Variants in POFUT3 observed in about 807,000 individuals in gnomAD.
POFUT3 encodes the protein GDP-fucose protein O-fucosyltransferase 3.
At chr8:33,468,239 CAAAAAAA>C in the POFUT3 span, among the ~76,000 whole-genome samples, 9 of 124,830 alleles carry the variant, frequency 7.2e-5, no homozygotes, top group South Asian at 1.7e-3. Context: ...AACTGTGTCT[CAAAAAAA>C]AAAAAAAAAA....
the POFUT3 span, among the ~76,000 whole-genome samples, chr8:33,464,846 C>T: frequency 1.3e-5 from 2 of 152,180 alleles, no homozygotes; most frequent in Admixed American, 6.5e-5. Flanking sequence ...CCAACACTCA[C>T]AGGTTACCTG....
the POFUT3 span, among the ~76,000 whole-genome samples, chr8:33,318,261 T>A: frequency 7.9e-5 from 12 of 151,588 alleles, no homozygotes; most frequent in African/African-American, 9.7e-5. Context: ...ATATACTGTT[T>A]CACTTAACCT....
At chr8:33,341,895 C>T in the POFUT3 span, among the ~76,000 whole-genome samples, 1 of 151,882 alleles carries the variant, frequency 6.6e-6, no homozygotes, top group South Asian at 2.1e-4. Flanking sequence ...TCCATCTCTA[C>T]AAAAAAATCA....
chr8:33,358,215 T>A, the POFUT3 span, among the ~76,000 whole-genome samples: 1 of 152,178 alleles, frequency 6.6e-6, no homozygotes, highest in Admixed American at 6.5e-5. Flanking sequence ...ATGGTGCCAT[T>A]GCACTCCAGC....
At chr8:33,401,853 C>T in the POFUT3 span, among the ~76,000 whole-genome samples, 9 of 152,108 alleles carry the variant, frequency 5.9e-5, no homozygotes, top group Admixed American at 2.0e-4. Context: ...CATGGCGAAA[C>T]GCTGTCTCTA....
At chr8:33,384,789 C>T in the POFUT3 span, among the ~76,000 whole-genome samples, 1 of 152,232 alleles carries the variant, frequency 6.6e-6, no homozygotes, top group East Asian at 1.9e-4. Flanking sequence ...CCACCACACT[C>T]CAGCCTGGGT....
At chr8:33,399,779 C>T in the POFUT3 span, among the ~76,000 whole-genome samples, 3 of 151,976 alleles carry the variant, frequency 2.0e-5, no homozygotes, top group Non-Finnish European at 4.4e-5. Context: ...TCAGCCTCCC[C>T]AGTAACTGGG....
the POFUT3 span, among the ~76,000 whole-genome samples, chr8:33,379,159 A>T: frequency 6.6e-6 from 1 of 152,016 alleles, no homozygotes; most frequent in Non-Finnish European, 1.5e-5. Flanking sequence ...CCATGATTGT[A>T]AGTTTCCCAA....
the POFUT3 span, among the ~76,000 whole-genome samples, chr8:33,470,340 A>C: frequency 2.0e-5 from 3 of 150,920 alleles, no homozygotes; most frequent in African/African-American, 7.3e-5. Context: ...GGATCCCTTG[A>C]GCCCTGGAGG....
chr8:33,338,471 C>T, the POFUT3 span, among the ~76,000 whole-genome samples: 2 of 152,298 alleles, frequency 1.3e-5, no homozygotes, highest in South Asian at 4.1e-4. Context: ...TTGCCATTGG[C>T]TAGTAACAAG....
the POFUT3 span, among the ~76,000 whole-genome samples, chr8:33,429,415 T>TA: frequency 1.3e-5 from 2 of 152,216 alleles, no homozygotes; most frequent in Non-Finnish European, 2.9e-5. Context: ...AGACAGAAGT[T>TA]GTTTCTGTCA....
the POFUT3 span, among the ~76,000 whole-genome samples, chr8:33,457,591 G>A: frequency 2.0e-5 from 3 of 151,818 alleles, no homozygotes; most frequent in African/African-American, 7.3e-5. Context: ...TTCAGTAATT[G>A]TTAATTTTAT....
At chr8:33,310,683 T>C in the POFUT3 span, among the ~76,000 whole-genome samples, 1 of 129,386 alleles carries the variant, frequency 7.7e-6, no homozygotes, top group Non-Finnish European at 1.6e-5. Context: ...AGAGCAAGAC[T>C]CCATCTCAAA....
At chr8:33,379,834 TA>T in the POFUT3 span, among the ~76,000 whole-genome samples, 3,398 of 71,040 alleles carry the variant, frequency 0.048, 245 homozygotes, top group African/African-American at 0.19. Context: ...AGACTCTGTC[TA>T]AAAAAAAAAA....
the POFUT3 span, among the ~76,000 whole-genome samples, chr8:33,367,471 C>T: frequency 1.1e-4 from 17 of 152,164 alleles, no homozygotes; most frequent in African/African-American, 3.6e-4. Flanking sequence ...TTAATAAATA[C>T]GTGGGTAAAT....
chr8:33,393,295 T>C, the POFUT3 span, among the ~76,000 whole-genome samples: 3 of 152,234 alleles, frequency 2.0e-5, no homozygotes, highest in Non-Finnish European at 4.4e-5. Flanking sequence ...ATTTAACAAT[T>C]TCAGATTCAA....
At chr8:33,349,504 G>C in the POFUT3 span, among the ~76,000 whole-genome samples, 4 of 152,028 alleles carry the variant, frequency 2.6e-5, no homozygotes, top group African/African-American at 9.7e-5. Flanking sequence ...TCATAGCTTA[G>C]CTCTCACTTG....
the POFUT3 span, among the ~76,000 whole-genome samples, chr8:33,413,204 C>G: frequency 6.6e-6 from 1 of 152,156 alleles, no homozygotes; most frequent in Non-Finnish European, 1.5e-5. Flanking sequence ...CAATCTATAG[C>G]CCTAATGTCT....
the POFUT3 span, among the ~76,000 whole-genome samples, chr8:33,433,321 A>G: frequency 1.3e-5 from 2 of 151,684 alleles, no homozygotes; most frequent in African/African-American, 2.4e-5. Context: ...TACAAAAACT[A>G]AATGTGAGGC....
Sources: allele counts gnomAD v4.1 joint callset (sites outside exome capture counted in the v4.1 genomes callset), GRCh38; gene constraint gnomAD v4.1.1; transcripts MANE v1.5; gene names NCBI Gene and HGNC (gene_info 2026-07-23, HGNC 2026-07-21).